The following SI variants were observed in gnomAD, a reference collection of about 807,000 sequenced individuals.
SI encodes the protein sucrase-isomaltase.
SI carries 235 observed loss-of-function variants against 253.3 expected under a neutral mutation model. That is an observed-to-expected ratio of 0.93 (90% confidence interval 0.83 to 1.03). The LOEUF (loss-of-function observed/expected upper bound fraction) is 1.03. SI is among the 50% of genes least tolerant of loss of function. The probability of loss-of-function intolerance (pLI) is 0.00; values close to 1 mark genes in which losing one functional copy is unlikely to be tolerated. For synonymous variants in SI, 819 were observed against 712.0 expected (o/e 1.15, Z -2.39); for missense variants, 2,442 against 2,211.1 (o/e 1.10, Z -2.09).
intron 16 of SI, among the ~76,000 whole-genome samples, chr3:165,045,295 C>T (rs1713045746): frequency 6.6e-6 from 1 of 151,998 alleles, no homozygotes; most frequent in South Asian, 2.1e-4. Context: ...TATATTGAGC[C>T]TTCTTATTAT....
At chr3:165,042,389 A>T (rs1712884129) in intron 17 of SI, among the ~76,000 whole-genome samples, 1 of 152,092 alleles carries the variant, frequency 6.6e-6, no homozygotes, top group South Asian at 2.1e-4. Flanking sequence ...TTTCTTAACC[A>T]ACAGATACTT....
intron 5 of SI, 120 bp downstream of exon 5, chr3:165,068,602 T>C (rs1714379527): frequency 2.6e-6 from 2 of 757,926 alleles, no homozygotes; most frequent in Non-Finnish European, 4.8e-6. Context: ...CTCCATCTCC[T>C]GACCTTGTGA....
chr3:165,033,121 G>A (rs554443855), intron 23 of SI, among the ~76,000 whole-genome samples: 1 of 151,328 alleles, frequency 6.6e-6, no homozygotes. Context: ...TTTTCCTAGG[G>A]CATGTTGCCT....
Position 165,021,215 on chromosome 3 carries a change from A to C in SI, c.3254+14T>G, listed in dbSNP as rs938714371. 2.5e-6 allele frequency: 4 copies of C among 1,605,826 alleles called. No homozygotes were observed. In the African/African-American group the frequency reaches 4.0e-5, roughly 16 times the overall value. ...ATTAAAATATCCTTTATATCAAATA[A>C]TTCAATTACTTACATGACTCTTCCA... is the stretch of plus-strand genomic sequence containing the variant. On this transcript the variant is annotated intron_variant, in intron 27 of 47. Coordinates refer to ENST00000264382, the MANE Select transcript of SI (RefSeq NM_001041.4).
chr3:165,025,465 A>G (rs1285727952), intron 25 of SI, among the ~76,000 whole-genome samples: 1 of 151,224 alleles, frequency 6.6e-6, no homozygotes, highest in African/African-American at 2.4e-5. Flanking sequence ...GCCTTGCTAG[A>G]GATCTAGACA....
intron 44 of SI, among the ~76,000 whole-genome samples, chr3:164,988,527 G>A (rs1158986146): frequency 6.6e-6 from 1 of 152,106 alleles, no homozygotes; most frequent in African/African-American, 2.4e-5. Context: ...CCTCCATGAA[G>A]CCCTCACTTT....
At chr3:165,024,727 T>C (rs183721566) in intron 25 of SI, among the ~76,000 whole-genome samples, 1 of 151,284 alleles carries the variant, frequency 6.6e-6, no homozygotes, top group African/African-American at 2.4e-5. Flanking sequence ...ACTGATTTTA[T>C]TTTTCTCATT....
chr3:165,076,190 T>G (rs1376190743), intron 1 of SI, among the ~76,000 whole-genome samples, 178 bp from the exon 2 acceptor site: 1 of 151,850 alleles, frequency 6.6e-6, no homozygotes, highest in African/African-American at 2.4e-5. Context: ...AGCATGTACT[T>G]AATAACCTGA....
rs1718543460 is a variant in SI at position 165,006,976 on chromosome 3, ATAT to A, written c.4268-25_4268-23del. On this transcript the variant is annotated intron_variant, in intron 36 of 47. Transcript: ENST00000264382. ...AGTTCTGGAAAGAATCAATGAAAAA[ATAT>A]TAATATATTATACAGTGCCCTACAA... The A allele has an allele frequency of 2.0e-6, 3 of 1,510,366 alleles. No homozygotes were observed. In the East Asian group the frequency reaches 7.2e-5, roughly 36 times the overall value. 93.6% of individuals were successfully genotyped at this position (1,510,366 alleles called of 1,614,324 possible).
chr3:165,046,804 T>C, intron 16 of SI, 37 bp downstream of exon 16: 1 of 1,492,186 alleles, frequency 6.7e-7, no homozygotes, highest in Non-Finnish European at 9.3e-7. Flanking sequence ...AATGTAATTG[T>C]AGCTTTTATG....
At chr3:165,052,791 C>T (rs1482004953) in intron 13 of SI, among the ~76,000 whole-genome samples, 2 of 151,892 alleles carry the variant, frequency 1.3e-5, no homozygotes, top group African/African-American at 4.8e-5. Flanking sequence ...ATATATAGCC[C>T]TATTTTTAAA....
At position 164,992,348 on chromosome 3, in the gene SI, C is replaced by T. The variant is rs746161504; in HGVS notation, c.4891G>A (p.Gly1631Ser). Residue 1631 changes from glycine (G) to serine (S), a missense_variant, in exon 42 of 48, where the codon GGT becomes AGT. Gly to Ser is a moderately conservative substitution (Grantham distance 56, BLOSUM62 0). Coordinates refer to ENST00000264382, the MANE Select transcript of SI (RefSeq NM_001041.4). ...ACTGGGGTAACCATAAATGCTGGAC[C>T]CCATAAGAACTGCTTGAATATATCC... ...TWDIFKQFLWGPAFMVTPVLE... is the reference protein window; with the variant it reads ...TWDIFKQFLWSPAFMVTPVLE... The T allele has an allele frequency of 1.9e-6, 3 of 1,613,138 alleles. No individual in the cohort carries two copies. The highest frequency in any genetic ancestry group is 1.3e-5 in the African/African-American group (1 of 74,950).
At chr3:165,081,634 A>G (rs1715326884), upstream of SI, among the ~76,000 whole-genome samples, 1 of 152,090 alleles carries the variant, frequency 6.6e-6, no homozygotes, top group African/African-American at 2.4e-5. Flanking sequence ...GAGATATTTC[A>G]AAATATTAAA....
intron 37 of SI, among the ~76,000 whole-genome samples, chr3:165,000,217 ATTTC>A (rs1319781873): frequency 6.6e-6 from 1 of 151,262 alleles, no homozygotes; most frequent in African/African-American, 2.4e-5. Context: ...TTTCTGGAGG[ATTTC>A]TTTTTTTTCT....
intron 15 of SI, among the ~76,000 whole-genome samples, 164 bp from the exon 16 acceptor site, chr3:165,047,176 G>A (rs1713165427): frequency 6.6e-6 from 1 of 152,072 alleles, no homozygotes; most frequent in South Asian, 2.1e-4. Flanking sequence ...GATGTTGTGA[G>A]AGAAACCCGA....
rs1469799831 is a variant in SI, at chr3:165,067,241, G to T, written c.635+99C>A. 18 of 943,046 alleles carry T rather than the reference G, an allele frequency of 1.9e-5. No individual in the cohort carries two copies. The Admixed American group carries it at 2.8e-4, about 15-fold the overall frequency. 58.4% of individuals were successfully genotyped at this position (943,046 alleles called of 1,614,324 possible). On this transcript the variant is annotated intron_variant, in intron 6 of 47. Transcript: ENST00000264382. ...TAAACCTATCCACCTACCCTCTTTT[G>T]GGAGGAAATTTATTTCTACTGAAAA...
chr3:165,037,191 A>T (rs1021928058), intron 21 of SI, among the ~76,000 whole-genome samples: 1 of 151,966 alleles, frequency 6.6e-6, no homozygotes, highest in African/African-American at 2.4e-5. Flanking sequence ...TATCGCTAAC[A>T]TACTACATAC....
At chr3:164,989,428 GAAA>G (rs1559978179) in intron 44 of SI, among the ~76,000 whole-genome samples, 74 of 143,000 alleles carry the variant, frequency 5.2e-4, no homozygotes, top group African/African-American at 1.8e-3. Context: ...AAGAAAGAAA[GAAA>G]GAAAGGAAAG....
chr3:165,056,385 C>A (rs1713695515), intron 12 of SI, among the ~76,000 whole-genome samples: 2 of 150,984 alleles, frequency 1.3e-5, no homozygotes. Context: ...CCATCCCCCC[C>A]TGCAGAAGCA....
Sources: gnomAD v4.1 joint callset for allele counts (sites outside exome capture counted in the v4.1 genomes callset) on GRCh38, gnomAD v4.1.1 for gene constraint, MANE v1.5 for transcripts, NCBI Gene and HGNC (gene_info 2026-07-23, HGNC 2026-07-21) for gene names.